YAP1: variants seen among roughly 807,000 people sequenced by gnomAD.
YAP1 encodes Yes1 associated transcriptional regulator, also known as transcriptional coactivator YAP1.
In YAP1, 5 loss-of-function variants were observed where a neutral mutation model predicts 56.9. The ratio of observed to expected loss-of-function variants is 0.09; its 90% CI spans 0.05 to 0.18. The LOEUF (loss-of-function observed/expected upper bound fraction) is 0.18. Ranked by LOEUF, YAP1 falls within the 10% of genes least tolerant of loss-of-function variation. The pLI, the probability that YAP1 is intolerant of heterozygous loss-of-function variation, is 1.00. For missense variants in YAP1, 539 were observed against 651.8 expected, an observed-to-expected ratio of 0.83 and a Z score of 1.88; for synonymous variants, 265 against 248.1, an observed-to-expected ratio of 1.07 and a Z score of -0.64.
intron 3 of YAP1, among the ~76,000 whole-genome samples, chr11:102,182,723 C>G (rs1947700991): frequency 6.6e-6 from 1 of 152,126 alleles, no homozygotes; most frequent in Non-Finnish European, 1.5e-5. Context: ...TAAAGGTGAT[C>G]TTTTCTAATC....
At chr11:102,146,456 T>G (rs1945326953) in intron 2 of YAP1, among the ~76,000 whole-genome samples, 1 of 152,234 alleles carries the variant, frequency 6.6e-6, no homozygotes, top group African/African-American at 2.4e-5. Context: ...GGTAGCATTG[T>G]AAATGCTCTT....
intron 2 of YAP1, among the ~76,000 whole-genome samples, chr11:102,132,965 C>G (rs774971184): frequency 3.3e-5 from 5 of 152,082 alleles, no homozygotes; most frequent in Admixed American, 1.3e-4. Flanking sequence ...GGAGACCAGC[C>G]TGGCCAACAT....
intron 2 of YAP1, among the ~76,000 whole-genome samples, chr11:102,118,922 A>G (rs930688561): frequency 3.3e-5 from 5 of 152,172 alleles, no homozygotes; most frequent in South Asian, 2.1e-4. Flanking sequence ...TTTCTGTATC[A>G]AGTATAACCC....
At chr11:102,138,120 T>C (rs10895262) in intron 2 of YAP1, among the ~76,000 whole-genome samples, 76,749 of 152,132 alleles carry the variant, frequency 0.5, 21,186 homozygotes, top group South Asian at 0.67. Context: ...CTCCTGACCC[T>C]GTGATCCGCC....
chr11:102,233,116 T>C lies in YAP1; in HGVS notation c.*3176T>C, dbSNP rs1400672027. On this transcript the variant is annotated 3_prime_UTR_variant, in exon 9 of 9. Transcript: ENST00000282441. ...AGCGTTGGTACATCTGAGAAATGAG[T>C]GCTCAGGTGGATTTTATCCTCGCAA... The C allele has an allele frequency of 1.3e-5, 2 of 152,208 alleles. No homozygotes were observed. Among genetic ancestry groups the C allele is most frequent in the Non-Finnish European group, 2.9e-5 (2 of 68,028 alleles). 9.4% of individuals were successfully genotyped at this position (152,208 alleles called of 1,614,324 possible).
chr11:102,184,916 C>T (rs1947865620), intron 3 of YAP1, among the ~76,000 whole-genome samples: 1 of 152,244 alleles, frequency 6.6e-6, no homozygotes, highest in African/African-American at 2.4e-5. Flanking sequence ...ACTGATCAAC[C>T]TGGCACTTTG....
intron 3 of YAP1, among the ~76,000 whole-genome samples, chr11:102,184,112 T>G: frequency 6.8e-6 from 1 of 147,060 alleles, no homozygotes; most frequent in Non-Finnish European, 1.5e-5. Flanking sequence ...TACAATGAGA[T>G]CTTGGGGTTG....
At chr11:102,188,256 C>T (rs1804738204) in intron 4 of YAP1, among the ~76,000 whole-genome samples, 2 of 152,120 alleles carry the variant, frequency 1.3e-5, no homozygotes, top group South Asian at 4.1e-4. Flanking sequence ...GTGGAGTTTG[C>T]TTTTCGATAT....
At chr11:102,128,928 C>G (rs936219280) in intron 2 of YAP1, among the ~76,000 whole-genome samples, 11 of 150,976 alleles carry the variant, frequency 7.3e-5, no homozygotes, top group African/African-American at 2.7e-4. Context: ...TCCTTTGTCT[C>G]TCCCTCTCTT....
intron 2 of YAP1, among the ~76,000 whole-genome samples, chr11:102,120,751 C>T (rs985057893): frequency 2.6e-5 from 4 of 152,172 alleles, no homozygotes; most frequent in Admixed American, 2.6e-4. Context: ...TTGATACTTG[C>T]ATGAAAATTG....
rs1281367129 is a variant in YAP1 at position 102,110,879 on chromosome 11, C to T, written c.31C>T (p.Pro11Ser). 2.1e-6 allele frequency: 3 copies of T among 1,422,164 alleles called. No homozygotes were observed. The highest frequency in any genetic ancestry group is 1.4e-5 in the South Asian group (1 of 69,776). The allele number at this position is 1,422,164 out of a possible 1,614,324, so 88.1% of individuals were successfully genotyped here. ...TCCCGGGCAGCAGCCGCCGCCTCAA[C>T]CGGCCCCCCAGGGCCAAGGGCAGCC... MDPGQQPPPQ[P>S]APQGQGQPPS... The change falls in exon 1 of 9, where the codon CCG becomes TCG. Residue 11 changes from proline to serine, a missense_variant. By Grantham distance (74) the Pro-to-Ser change is moderately conservative. Coordinates refer to ENST00000282441, the MANE Select transcript of YAP1 (RefSeq NM_001130145.3).
At chr11:102,171,339 G>T (rs1409742005) in intron 3 of YAP1, among the ~76,000 whole-genome samples, 1 of 152,176 alleles carries the variant, frequency 6.6e-6, no homozygotes, top group Non-Finnish European at 1.5e-5. Context: ...CTTTAAAAAT[G>T]ATATTCATAG....
chr11:102,180,464 C>G (rs1947526203), intron 3 of YAP1, among the ~76,000 whole-genome samples: 1 of 151,556 alleles, frequency 6.6e-6, no homozygotes, highest in African/African-American at 2.4e-5. Context: ...AGGTGGATCA[C>G]AAGGTCAGGA....
chr11:102,116,663 G>A (rs1230295140), intron 2 of YAP1, among the ~76,000 whole-genome samples: 2 of 152,062 alleles, frequency 1.3e-5, no homozygotes, highest in Non-Finnish European at 2.9e-5. Flanking sequence ...ATATTTACCC[G>A]GAAAAGAAAA....
At chr11:102,223,983 T>G (rs936388206) in intron 7 of YAP1, among the ~76,000 whole-genome samples, 1 of 152,226 alleles carries the variant, frequency 6.6e-6, no homozygotes, top group Admixed American at 6.5e-5. Context: ...TTCAAAGTCA[T>G]GACGTGTTTG....
chr11:102,176,767 A>G (rs897027796), intron 3 of YAP1, among the ~76,000 whole-genome samples: 13 of 147,256 alleles, frequency 8.8e-5, no homozygotes, highest in Admixed American at 4.7e-4. Flanking sequence ...AAAAAAAAAA[A>G]AAAAAAAAAG....
At chr11:102,161,968 G>C (rs990679511) in intron 2 of YAP1, among the ~76,000 whole-genome samples, 3 of 152,210 alleles carry the variant, frequency 2.0e-5, no homozygotes, top group Admixed American at 6.5e-5. Context: ...TTAAAGTTCT[G>C]CTTTGGCTTT....
At chr11:102,123,309 G>C (rs1205265759) in intron 2 of YAP1, among the ~76,000 whole-genome samples, 2 of 152,070 alleles carry the variant, frequency 1.3e-5, no homozygotes, top group Non-Finnish European at 2.9e-5. Context: ...GCTATCCTTA[G>C]AGTCTTTTGT....
intron 5 of YAP1, 37 bp downstream of exon 5, chr11:102,206,111 G>A (rs77810553): frequency 1.9e-6 from 3 of 1,579,514 alleles, no homozygotes; most frequent in Non-Finnish European, 2.6e-6. Flanking sequence ...TTCCACTTTT[G>A]GGGGTTTGTT....
Sources: gnomAD v4.1 joint callset for allele counts (sites outside exome capture counted in the v4.1 genomes callset) on GRCh38, gnomAD v4.1.1 for gene constraint, MANE v1.5 for transcripts, NCBI Gene and HGNC (gene_info 2026-07-23, HGNC 2026-07-21) for gene names.